The following GYPE variants were observed in gnomAD, a reference collection of about 807,000 sequenced individuals.
The protein encoded by GYPE is glycophorin E (MNS blood group).
GYPE carries 8 observed loss-of-function variants against 11.6 expected under a neutral mutation model. That is an observed-to-expected ratio of 0.69 (90% CI 0.41 to 1.25). The LOEUF is 1.25. Ranked by LOEUF, GYPE falls within the 50% of genes most tolerant of loss-of-function variation. The pLI is 0.01. For missense variants in GYPE, 90 were observed against 92.8 expected (o/e 0.97, Z 0.12); for synonymous variants, 28 against 29.6 (o/e 0.94, Z 0.18).
intron 1 of GYPE, among the ~76,000 whole-genome samples, chr4:143,898,076 AG>A (rs1744723484): frequency 6.6e-6 from 1 of 152,154 alleles, no homozygotes; most frequent in Non-Finnish European, 1.5e-5. Context: ...TTTTAGATTG[AG>A]TCAAAAGAGA....
chr4:143,889,245 C>G (rs1744312653), intron 1 of GYPE, among the ~76,000 whole-genome samples: 1 of 152,036 alleles, frequency 6.6e-6, no homozygotes, highest in South Asian at 2.1e-4. Flanking sequence ...TATCCAGCTT[C>G]TGGTCATCCA....
chr4:143,895,394 A>T (rs58239670), intron 1 of GYPE, among the ~76,000 whole-genome samples: 4 of 151,940 alleles, frequency 2.6e-5, no homozygotes, highest in African/African-American at 9.7e-5. Context: ...CATGAGTGAA[A>T]TCCCATTCAC....
At chr4:143,900,038 A>G (rs1744801456) in intron 1 of GYPE, among the ~76,000 whole-genome samples, 1 of 139,608 alleles carries the variant, frequency 7.2e-6, no homozygotes, top group Non-Finnish European at 1.6e-5. Context: ...AGATTTGCAA[A>G]TAGTATATCG....
At chr4:143,873,639 T>C (rs1005970330) in intron 3 of GYPE, among the ~76,000 whole-genome samples, 4 of 152,190 alleles carry the variant, frequency 2.6e-5, no homozygotes, top group African/African-American at 9.7e-5. Flanking sequence ...ATATGCTCCA[T>C]TGAGTGATGT....
rs60781266 is a variant in GYPE, at chr4:143,883,620, A to AAATT, written c.38-3115_38-3112dup. ...TTAATAATAACATGTAATTAATTAT[A>AAATT]AATTTATAATTAATAATAACATGTA... On this transcript the variant is annotated intron_variant, in intron 1 of 3. Transcript: ENST00000358615. Among the ~76,000 whole-genome samples, 14 of 16,062 alleles carry AAATT rather than the reference A, an allele frequency of 8.7e-4. 3 individuals are homozygous for AAATT. The highest frequency in any genetic ancestry group is 3.1e-3 in the African/African-American group (14 of 4,516). The allele number at this position is 16,062 out of a possible 152,430, so 10.5% of individuals were successfully genotyped here.
At chr4:143,881,269 AAATT>A (rs1196588359) in intron 1 of GYPE, among the ~76,000 whole-genome samples, 4 of 151,966 alleles carry the variant, frequency 2.6e-5, no homozygotes, top group East Asian at 3.8e-4. Context: ...CTCATTAAAT[AAATT>A]GTGAATTATT....
Position 143,884,053 on chromosome 4 carries a change from A to G in GYPE, c.38-3544T>C, listed in dbSNP as rs1578961484. ...TTTGTGAACACCTGCAAGACTCTGC[A>G]TGGTCCAGTCCTGCTTGCCTCACAT... On this transcript the variant is annotated intron_variant, in intron 1 of 3. Transcript: ENST00000358615. Among the ~76,000 whole-genome samples the G allele has an allele frequency of 3.3e-5, 5 of 151,928 alleles. 1 individual carries two copies. The highest frequency in any genetic ancestry group is 3.3e-4 in the Admixed American group (5 of 15,240).
chr4:143,875,672 T>TA (rs1383693094), intron 3 of GYPE, among the ~76,000 whole-genome samples: 1 of 152,082 alleles, frequency 6.6e-6, no homozygotes, highest in Non-Finnish European at 1.5e-5. Context: ...TTTGGCTTTA[T>TA]AAAAACCCTA....
rs951309952 is a variant in GYPE, at chr4:143,871,365, T to A, written c.*897A>T. 1 of 152,142 alleles carries A rather than the reference T, an allele frequency of 6.6e-6. No individual in the cohort carries two copies. The allele number at this position is 152,142 out of a possible 1,614,324, so 9.4% of individuals were successfully genotyped here. Reference sequence around the variant, plus strand: ...CAGGATGTTGTGGAACTATTCCTATTCTTCCATAAGTAGCCACTAGGACCA... The same window carrying A: ...CAGGATGTTGTGGAACTATTCCTATACTTCCATAAGTAGCCACTAGGACCA... On this transcript the variant is annotated 3_prime_UTR_variant, in exon 4 of 4. Transcript: ENST00000358615.
intron 3 of GYPE, among the ~76,000 whole-genome samples, chr4:143,873,826 T>G (rs1414922199): frequency 6.6e-6 from 1 of 152,014 alleles, no homozygotes; most frequent in Non-Finnish European, 1.5e-5. Context: ...TGAGAACCAC[T>G]CAAAAGATCT....
At chr4:143,875,308 A>C (rs1743752734) in intron 3 of GYPE, 2 of 679,066 alleles carry the variant, frequency 2.9e-6, no homozygotes, top group Non-Finnish European at 5.0e-6. Context: ...ACTATACTAC[A>C]TGCAAATAAT....
At chr4:143,901,381 A>G (rs937082887) in intron 1 of GYPE, among the ~76,000 whole-genome samples, 2 of 152,010 alleles carry the variant, frequency 1.3e-5, no homozygotes, top group African/African-American at 4.8e-5. Context: ...ATTATATTAT[A>G]TGGTTCTCTT....
chr4:143,878,142 A>G (rs1743880994), intron 2 of GYPE, among the ~76,000 whole-genome samples: 2 of 151,920 alleles, frequency 1.3e-5, no homozygotes, highest in Admixed American at 6.6e-5. Flanking sequence ...TTACTTATGT[A>G]TTTGTTTTTG....
chr4:143,895,085 A>T (rs1464712919), intron 1 of GYPE, among the ~76,000 whole-genome samples: 1 of 152,190 alleles, frequency 6.6e-6, no homozygotes, highest in Non-Finnish European at 1.5e-5. Context: ...ATTCCCTTTG[A>T]AAACTGGCAC....
intron 3 of GYPE, among the ~76,000 whole-genome samples, chr4:143,876,524 A>G (rs570598801): frequency 1.3e-5 from 2 of 152,296 alleles, no homozygotes; most frequent in African/African-American, 4.8e-5. Context: ...TTTCATTGGG[A>G]AAATGGGGGA....
intron 1 of GYPE, among the ~76,000 whole-genome samples, chr4:143,891,110 C>T (rs1347733328): frequency 6.6e-6 from 1 of 151,648 alleles, no homozygotes; most frequent in Non-Finnish European, 1.5e-5. Context: ...GAGGGAGTAA[C>T]TACTTTAGGA....
At chr4:143,894,684 G>A (rs1051890452) in intron 1 of GYPE, among the ~76,000 whole-genome samples, 11 of 152,146 alleles carry the variant, frequency 7.2e-5, no homozygotes, top group East Asian at 5.8e-4. Context: ...TACCAGAGCC[G>A]GGCAGAGACA....
At chr4:143,901,474 T>G (rs1402502536) in intron 1 of GYPE, among the ~76,000 whole-genome samples, 1 of 2,148 alleles carries the variant, frequency 4.7e-4, no homozygotes, top group Non-Finnish European at 0.021. Context: ...CACCCGGAAT[T>G]TTTTTTTCAA....
At chr4:143,899,671 A>C (rs1744788981) in intron 1 of GYPE, among the ~76,000 whole-genome samples, 1 of 148,926 alleles carries the variant, frequency 6.7e-6, no homozygotes, top group African/African-American at 2.5e-5. Context: ...TCATATATCC[A>C]TGGCCAATTA....
Sources: allele counts gnomAD v4.1 joint callset (sites outside exome capture counted in the v4.1 genomes callset), GRCh38; gene constraint gnomAD v4.1.1; transcripts MANE v1.5; gene names NCBI Gene and HGNC (gene_info 2026-07-23, HGNC 2026-07-21).